SORBS2: variants seen among roughly 807,000 people sequenced by gnomAD.
SORBS2 encodes sorbin and SH3 domain-containing protein 2.
SORBS2 carries 46 observed loss-of-function variants against 97.7 expected under a neutral mutation model. That is an observed-to-expected ratio of 0.47 (90% confidence interval 0.37 to 0.60). The LOEUF is 0.60. Ranked by LOEUF, SORBS2 falls within the 20% of genes least tolerant of loss-of-function variation. The pLI is 0.00. For missense variants in SORBS2, 1,316 were observed against 1,282.3 expected, an observed-to-expected ratio of 1.03 and a Z score of -0.40; for synonymous variants, 476 against 473.4, an observed-to-expected ratio of 1.01 and a Z score of -0.07.
chr4:185,597,128 G>A (rs1285475333), intron 12 of SORBS2, among the ~76,000 whole-genome samples: 2 of 152,304 alleles, frequency 1.3e-5, no homozygotes, highest in African/African-American at 4.8e-5. Flanking sequence ...TTATTTTAAA[G>A]GCATTTGACT....
At chr4:185,894,524 C>G (rs897683709) in intron 1 of SORBS2, among the ~76,000 whole-genome samples, 1 of 152,174 alleles carries the variant, frequency 6.6e-6, no homozygotes, top group South Asian at 2.1e-4. Context: ...GAACCCAGAG[C>G]CCCTCTGTCC....
At chr4:185,863,896 T>A (rs2099225328) in intron 1 of SORBS2, among the ~76,000 whole-genome samples, 1 of 152,216 alleles carries the variant, frequency 6.6e-6, no homozygotes, top group South Asian at 2.1e-4. Context: ...TATTTAACAA[T>A]ATGGGGTTCT....
Position 185,607,347 on chromosome 4 carries a change from C to A in SORBS2, c.2796+4433G>T, listed in dbSNP as rs2096449338. The A allele has an allele frequency of 1.6e-6, 2 of 1,284,352 alleles. No individual in the cohort carries two copies. The highest frequency in any genetic ancestry group is 3.1e-5 in the African/African-American group (2 of 65,308). The allele number at this position is 1,284,352 out of a possible 1,614,324, so 79.6% of individuals were successfully genotyped here. A position where few individuals can be genotyped will look rare whatever the true frequency, so the allele number is the denominator to read the frequency against. The stretch of plus-strand genomic sequence containing the variant: ...GAGGAGGGGCTGGTTCACTGGAAGC[C>A]AACTTGGAAATGAGCACGGATTATG... On this transcript the variant is annotated intron_variant, in intron 12 of 14. Coordinates refer to ENST00000418609, the Ensembl canonical transcript of SORBS2. This position sits in a 1 kb window ranked among gnomAD's most constrained non-coding sequence, Gnocchi z 5.2.
intron 1 of SORBS2, among the ~76,000 whole-genome samples, chr4:185,863,325 C>T (rs1466634906): frequency 2.0e-5 from 3 of 152,034 alleles, no homozygotes; most frequent in African/African-American, 7.3e-5. Flanking sequence ...GATATGCAGT[C>T]CTATAAGGAT....
chr4:185,770,141 C>T (rs1051858666), intron 2 of SORBS2, among the ~76,000 whole-genome samples: 5 of 151,186 alleles, frequency 3.3e-5, no homozygotes, highest in Non-Finnish European at 7.4e-5. Context: ...TGCAGTGGCA[C>T]GATCTCGGCT....
chr4:185,763,318 A>G (rs182991171), intron 2 of SORBS2, among the ~76,000 whole-genome samples: 1 of 152,308 alleles, frequency 6.6e-6, no homozygotes, highest in Admixed American at 6.5e-5. Flanking sequence ...GGGAGGCATG[A>G]TTCCTATGGG....
At chr4:185,754,246 T>C (rs1019756355) in intron 2 of SORBS2, among the ~76,000 whole-genome samples, 2 of 152,118 alleles carry the variant, frequency 1.3e-5, no homozygotes. Flanking sequence ...GAGCTAAACA[T>C]TGAGTACATA....
At chr4:185,952,348 C>T (rs2099277611) in intron 1 of SORBS2, among the ~76,000 whole-genome samples, 1 of 152,118 alleles carries the variant, frequency 6.6e-6, no homozygotes, top group South Asian at 2.1e-4. Context: ...TTATAGTGGC[C>T]CTTCACCTCC....
chr4:185,953,073 A>T (rs186595402), intron 1 of SORBS2, among the ~76,000 whole-genome samples: 82 of 152,312 alleles, frequency 5.4e-4, no homozygotes, highest in African/African-American at 1.9e-3. Flanking sequence ...CCAGCACTGC[A>T]GGAGGCTGAG....
intron 2 of SORBS2, among the ~76,000 whole-genome samples, chr4:185,727,333 A>G (rs1325669588): frequency 3.9e-5 from 6 of 152,342 alleles, no homozygotes; most frequent in Non-Finnish European, 7.3e-5. Flanking sequence ...GGTGCAGTCA[A>G]TGGATTTTGT....
Position 185,623,415 on chromosome 4 carries a change from A to T in SORBS2, c.1714T>A (p.Phe572Ile). Reference sequence around the variant, plus strand: ...CTTTCGTGTTTTAACATTGTGGTAAATCGAGTGTAGGAGGCCGGGCACCTG... The same window carrying T: ...CTTTCGTGTTTTAACATTGTGGTAATTCGAGTGTAGGAGGCCGGGCACCTG... The change falls in exon 7 of 15, where the codon TTT becomes ATT. Residue 572 changes from phenylalanine (F) to isoleucine (I), a missense_variant. Physicochemically the swap from Phe to Ile is conservative, Grantham distance 21. Coordinates refer to ENST00000418609, the Ensembl canonical transcript of SORBS2. The surrounding 1 kb of genome is among the most constrained non-coding windows in gnomAD (Gnocchi z 6.4). 6.2e-7 allele frequency: 1 copy of T among 1,611,434 alleles called. No homozygotes were observed. Among genetic ancestry groups the T allele is most frequent in the African/African-American group, 1.3e-5 (1 of 74,938 alleles).
chr4:185,696,452 C>T (rs182187776), intron 2 of SORBS2, among the ~76,000 whole-genome samples: 1 of 152,140 alleles, frequency 6.6e-6, no homozygotes, highest in East Asian at 1.9e-4. Flanking sequence ...TGGTCCAGCA[C>T]CTTACTTTCT....
At chr4:185,783,611 T>A (rs1176259278) in intron 1 of SORBS2, among the ~76,000 whole-genome samples, 1 of 151,976 alleles carries the variant, frequency 6.6e-6, no homozygotes, top group Non-Finnish European at 1.5e-5. Flanking sequence ...AACCATGTTG[T>A]AGTTTAAAAA....
intron 1 of SORBS2, among the ~76,000 whole-genome samples, chr4:185,879,537 T>C (rs34248612): frequency 0.085 from 12,964 of 152,296 alleles, 798 homozygotes; most frequent in Middle Eastern, 0.17. Flanking sequence ...ATATACCCAG[T>C]AATGGGATAG....
intron 1 of SORBS2, among the ~76,000 whole-genome samples, chr4:185,816,327 A>G (rs1455009219): frequency 6.6e-6 from 1 of 152,256 alleles, no homozygotes; most frequent in Non-Finnish European, 1.5e-5. Flanking sequence ...ACAAAGAAAC[A>G]CGTCATATGA....
intron 2 of SORBS2, among the ~76,000 whole-genome samples, chr4:185,767,368 C>T (rs13146977): frequency 0.09 from 9,425 of 104,750 alleles, 1,012 homozygotes; most frequent in Middle Eastern, 0.17. Context: ...GGCGTGGTGG[C>T]GGGCGCCTGT....
intron 4 of SORBS2, 83 bp downstream of exon 14, chr4:185,638,794 G>A (rs1305174349): frequency 1.5e-6 from 2 of 1,298,104 alleles, no homozygotes; most frequent in African/African-American, 1.6e-5. Context: ...CGGGGGAGTG[G>A]GAGTCGCCAG....
At chr4:185,915,606 T>C (rs983242873) in intron 1 of SORBS2, among the ~76,000 whole-genome samples, 1 of 152,222 alleles carries the variant, frequency 6.6e-6, no homozygotes, top group Non-Finnish European at 1.5e-5. Context: ...TCTTTCCTTC[T>C]CTTTTGTCCT....
At chr4:185,666,586 A>G (rs956283558) in intron 4 of SORBS2, among the ~76,000 whole-genome samples, 1 of 152,212 alleles carries the variant, frequency 6.6e-6, no homozygotes, top group Non-Finnish European at 1.5e-5. Context: ...CTAATAGCAT[A>G]ATTGCCTCCC....
Sources: allele counts gnomAD v4.1 joint callset (sites outside exome capture counted in the v4.1 genomes callset), GRCh38; gene constraint gnomAD v4.1.1; non-coding constraint Gnocchi (gnomAD v3.1); transcripts MANE v1.5; gene names NCBI Gene and HGNC (gene_info 2026-07-23, HGNC 2026-07-21).